VAT1L: variants seen among roughly 807,000 people sequenced by gnomAD.
VAT1L encodes the protein vesicle amine transport 1 like.
A neutral mutation model predicts 44.1 loss-of-function variants in VAT1L; 34 were observed. The observed-to-expected ratio is 0.77, with a 90% CI of 0.59 to 1.03. The LOEUF is 1.03. Among genes scored for constraint, VAT1L ranks in the 50% least tolerant of loss-of-function variants. The pLI is 0.00. For missense variants in VAT1L, 615 were observed against 538.8 expected (o/e 1.14, Z -1.40); for synonymous variants, 253 against 202.2 (o/e 1.25, Z -2.13).
intron 7 of VAT1L, among the ~76,000 whole-genome samples, chr16:77,893,897 TTAGCA>T (rs1240406069): frequency 6.6e-6 from 1 of 152,212 alleles, no homozygotes; most frequent in Admixed American, 6.5e-5. Context: ...TAGGAAATGC[TTAGCA>T]TAGCATGTTT....
chr16:77,797,622 C>G (rs1182047198), intron 1 of VAT1L, among the ~76,000 whole-genome samples: 1 of 152,134 alleles, frequency 6.6e-6, no homozygotes, highest in Non-Finnish European at 1.5e-5. Context: ...AATCCAGTCT[C>G]TGGAGCACTC....
intron 3 of VAT1L, among the ~76,000 whole-genome samples, chr16:77,859,546 A>G (rs149080119): frequency 3.9e-5 from 6 of 152,354 alleles, no homozygotes; most frequent in African/African-American, 1.4e-4. Flanking sequence ...TGGGAAGTCC[A>G]AAATAAATAG....
chr16:77,822,701 C>T (rs1016225238), intron 2 of VAT1L, among the ~76,000 whole-genome samples: 2 of 152,170 alleles, frequency 1.3e-5, no homozygotes, highest in African/African-American at 2.4e-5. Context: ...TGCAAGGAGG[C>T]AGTGAGAATG....
chr16:77,948,070 C>G (rs1180979951), intron 7 of VAT1L, among the ~76,000 whole-genome samples: 2 of 152,186 alleles, frequency 1.3e-5, no homozygotes, highest in African/African-American at 4.8e-5. Flanking sequence ...CCATCTCCCT[C>G]TTAAAACCCA....
intron 3 of VAT1L, among the ~76,000 whole-genome samples, chr16:77,828,792 C>T (rs891271564): frequency 3.9e-5 from 6 of 152,186 alleles, no homozygotes; most frequent in African/African-American, 1.4e-4. Context: ...CAGGTGGCCT[C>T]TAGATGCTGG....
intron 7 of VAT1L, among the ~76,000 whole-genome samples, chr16:77,914,090 G>C (rs2017526117): frequency 6.6e-6 from 1 of 152,274 alleles, no homozygotes; most frequent in South Asian, 2.1e-4. Flanking sequence ...TAGACAATCT[G>C]AATTACAAAA....
intron 4 of VAT1L, among the ~76,000 whole-genome samples, chr16:77,866,987 A>G (rs574415768): frequency 1.3e-5 from 2 of 152,328 alleles, no homozygotes; most frequent in South Asian, 2.1e-4. Context: ...GAATCCACAC[A>G]AGGGAATCTT....
chr16:77,820,406 G>A (rs1345694250), intron 2 of VAT1L, among the ~76,000 whole-genome samples: 1 of 152,188 alleles, frequency 6.6e-6, no homozygotes, highest in Non-Finnish European at 1.5e-5. Flanking sequence ...ACATTTAGCT[G>A]AAGACCAAAC....
intron 7 of VAT1L, among the ~76,000 whole-genome samples, chr16:77,907,136 C>A (rs1285069440): frequency 6.6e-6 from 1 of 152,206 alleles, no homozygotes; most frequent in East Asian, 1.9e-4. Context: ...AATTTCCACG[C>A]TGTAAATACT....
intron 7 of VAT1L, among the ~76,000 whole-genome samples, chr16:77,912,302 C>T (rs182124672): frequency 5.3e-5 from 8 of 152,276 alleles, no homozygotes; most frequent in South Asian, 2.1e-4. Flanking sequence ...ATAAGTAAAG[C>T]GCCTGGGATT....
chr16:77,871,588 C>T (rs1245459869), intron 4 of VAT1L, among the ~76,000 whole-genome samples: 2 of 152,070 alleles, frequency 1.3e-5, no homozygotes, highest in Non-Finnish European at 2.9e-5. Context: ...TAAGGTCTTC[C>T]CACTCTATGC....
chr16:77,922,941 A>T (rs62042215), intron 7 of VAT1L, among the ~76,000 whole-genome samples: 14,392 of 152,084 alleles, frequency 0.095, 810 homozygotes, highest in African/African-American at 0.15. Flanking sequence ...CTCAACCCAG[A>T]CCTGTTTGTT....
intron 3 of VAT1L, among the ~76,000 whole-genome samples, chr16:77,846,400 T>A (rs2016758613): frequency 6.6e-6 from 1 of 152,158 alleles, no homozygotes; most frequent in African/African-American, 2.4e-5. Context: ...ACTGAACCCT[T>A]TGACCTCACG....
intron 7 of VAT1L, among the ~76,000 whole-genome samples, chr16:77,926,593 G>T (rs1441503511): frequency 6.6e-6 from 1 of 151,956 alleles, no homozygotes; most frequent in African/African-American, 2.4e-5. Flanking sequence ...AAAAAAAGTA[G>T]AAGTAGGGGT....
chr16:77,947,174 C>A (rs1297147239), intron 7 of VAT1L, among the ~76,000 whole-genome samples: 1 of 152,204 alleles, frequency 6.6e-6, no homozygotes, highest in African/African-American at 2.4e-5. Context: ...ATTTTAAAGT[C>A]ACACTGACAC....
intron 4 of VAT1L, among the ~76,000 whole-genome samples, chr16:77,867,858 A>T (rs1457278672): frequency 7.2e-6 from 1 of 138,980 alleles, no homozygotes; most frequent in East Asian, 2.0e-4. Context: ...GACTATCTTA[A>T]AAAAAAAAAA....
intron 4 of VAT1L, among the ~76,000 whole-genome samples, chr16:77,866,011 C>T (rs2016970455): frequency 6.6e-6 from 1 of 152,208 alleles, no homozygotes; most frequent in African/African-American, 2.4e-5. Flanking sequence ...CTCACCCTCA[C>T]CTTCCTTCAA....
chr16:77,935,305 A>T (rs1043080707), intron 7 of VAT1L, among the ~76,000 whole-genome samples: 1 of 152,170 alleles, frequency 6.6e-6, no homozygotes, highest in African/African-American at 2.4e-5. Flanking sequence ...AAGAAATGTC[A>T]TTACTGTTTA....
chr16:77,805,869 T>TTTTTTTTTTTTTTTTTTTTTTTTTTG, intron 1 of VAT1L, among the ~76,000 whole-genome samples: 1 of 126,208 alleles, frequency 7.9e-6, no homozygotes, highest in Non-Finnish European at 1.8e-5. Flanking sequence ...CTCTGCCTTT[T>TTTTTTTTTTTTTTTTTTTTTTTTTTG]TTTTTTTTTT....
Sources: gnomAD v4.1 joint callset for allele counts (sites outside exome capture counted in the v4.1 genomes callset) on GRCh38, gnomAD v4.1.1 for gene constraint, MANE v1.5 for transcripts, NCBI Gene and HGNC (gene_info 2026-07-23, HGNC 2026-07-21) for gene names.